Variants in MAP3K15 observed in about 807,000 individuals in gnomAD.
MAP3K15 encodes the protein MAPK/ERK kinase kinase 15.
Under a neutral mutation model 99.5 loss-of-function variants are expected in MAP3K15, and 124 were observed. That is an observed-to-expected ratio of 1.25 (90% CI 1.08 to 1.45). The LOEUF (loss-of-function observed/expected upper bound fraction) is 1.45, where lower values mean the gene tolerates loss of function less well. Among genes scored for constraint, MAP3K15 ranks in the 40% most tolerant of loss-of-function variants. The pLI, the probability that MAP3K15 is intolerant of heterozygous loss-of-function variation, is 0.00. For missense variants in MAP3K15, 1,242 were observed against 1,079.7 expected (o/e 1.15, Z -2.11); for synonymous variants, 494 against 439.6 (o/e 1.12, Z -1.55).
chrX:19,418,471 G>C lies in MAP3K15; in HGVS notation c.1440-3214C>G, dbSNP rs189193238. On this transcript the variant is annotated intron_variant, in intron 9 of 28. Coordinates refer to ENST00000338883, the MANE Select transcript of MAP3K15 (RefSeq NM_001001671.4). Reference sequence around the variant, plus strand: ...TGGAAGATCAAATGAATGAAATGAAGTGAGAAGTTTAGAGAAAAAAAGAAT... The same window carrying C: ...TGGAAGATCAAATGAATGAAATGAACTGAGAAGTTTAGAGAAAAAAAGAAT... Among the ~76,000 whole-genome samples the C allele has an allele frequency of 4.7e-3, 525 of 110,956 alleles. 5 individuals are homozygous for C. Among genetic ancestry groups the C allele is most frequent in the African/African-American group, 0.016 (502 of 30,541 alleles).
At chrX:19,415,444 G>C (rs2063726631) in intron 9 of MAP3K15, among the ~76,000 whole-genome samples, 187 bp from the exon 10 acceptor site, 1 of 112,201 alleles carries the variant, frequency 8.9e-6, no homozygotes, top group African/African-American at 3.2e-5. Flanking sequence ...GGCAAAGTAA[G>C]TCCATCCAAC....
intron 18 of MAP3K15, among the ~76,000 whole-genome samples, chrX:19,388,532 A>G (rs1405111391): frequency 8.9e-6 from 1 of 112,382 alleles, no homozygotes; most frequent in Non-Finnish European, 1.9e-5. Context: ...GTATTTAATT[A>G]GCAAACACTT....
chrX:19,387,643 T>C (rs1173416440), intron 18 of MAP3K15, among the ~76,000 whole-genome samples: 1 of 111,597 alleles, frequency 9.0e-6, no homozygotes, highest in African/African-American at 3.3e-5. Context: ...CACCTCAGCC[T>C]CCCAGAGAGC....
chrX:19,440,157 A>G (rs976648815), intron 6 of MAP3K15, among the ~76,000 whole-genome samples: 1 of 111,488 alleles, frequency 9.0e-6, no homozygotes, highest in African/African-American at 3.3e-5. Context: ...TGGTAACATC[A>G]CCTCTTCCCT....
chrX:19,504,711 C>T (rs1258378044), intron 1 of MAP3K15, among the ~76,000 whole-genome samples: 1 of 111,578 alleles, frequency 9.0e-6, no homozygotes, highest in African/African-American at 3.3e-5. Context: ...TGCCTGTAAT[C>T]CCAGCACTTT....
chrX:19,462,127 A>G (rs1187084346), intron 4 of MAP3K15, among the ~76,000 whole-genome samples: 1 of 111,353 alleles, frequency 9.0e-6, no homozygotes, highest in African/African-American at 3.3e-5. Flanking sequence ...ATAGTCTTCA[A>G]AGAGAGAAAA....
At chrX:19,423,273 C>T (rs1427325585) in intron 9 of MAP3K15, among the ~76,000 whole-genome samples, 1 of 111,467 alleles carries the variant, frequency 9.0e-6, no homozygotes, top group Non-Finnish European at 1.9e-5. Context: ...AAATTTCCAT[C>T]CCCACAGGGA....
chrX:19,424,291 T>C lies in MAP3K15; in HGVS notation c.1439+1240A>G, dbSNP rs200119033. 3.7e-3 allele frequency among the ~76,000 whole-genome samples: 367 copies of C among 98,553 alleles called. 3 individuals carry two copies. Among genetic ancestry groups the C allele is most frequent in the Middle Eastern group, 0.026 (5 of 195 alleles). 85.6% of individuals were successfully genotyped at this position (98,553 alleles called of 115,157 possible). On this transcript the variant is annotated intron_variant, in intron 9 of 28. Transcript: ENST00000338883. ...ACACACATATATACACACATATATA[T>C]ACACATATATATACACACATATATA...
At chrX:19,378,725 C>G (rs911471521) in intron 19 of MAP3K15, among the ~76,000 whole-genome samples, 4 of 111,657 alleles carry the variant, frequency 3.6e-5, no homozygotes, top group Non-Finnish European at 5.6e-5. Context: ...AAGCTGCACA[C>G]CCAACCTTGG....
intron 19 of MAP3K15, among the ~76,000 whole-genome samples, chrX:19,375,784 A>G (rs978086823): frequency 8.9e-6 from 1 of 112,466 alleles, no homozygotes; most frequent in African/African-American, 3.2e-5. Flanking sequence ...CCTGTCCCCA[A>G]GGCCCTTGAC....
At chrX:19,394,400 A>G (rs1196459170) in intron 16 of MAP3K15, among the ~76,000 whole-genome samples, 2 of 111,389 alleles carry the variant, frequency 1.8e-5, no homozygotes, top group Non-Finnish European at 3.8e-5. Context: ...ACAGAGAGGT[A>G]TAACAATTTG....
At chrX:19,495,539 A>G (rs2064395261) in intron 1 of MAP3K15, among the ~76,000 whole-genome samples, 1 of 110,941 alleles carries the variant, frequency 9.0e-6, no homozygotes, top group Non-Finnish European at 1.9e-5. Context: ...GAATGACTGA[A>G]AGTAAATCTT....
intron 10 of MAP3K15, chrX:19,414,178 G>C (rs1023866602): frequency 9.3e-6 from 1 of 107,404 alleles, no homozygotes; most frequent in Non-Finnish European, 1.9e-5. Flanking sequence ...GAGGGGAAGA[G>C]AAAGAGGAGG....
At chrX:19,486,307 C>T (rs1489135572) in intron 3 of MAP3K15, among the ~76,000 whole-genome samples, 175 bp downstream of exon 3, 1 of 111,620 alleles carries the variant, frequency 9.0e-6, no homozygotes, top group Non-Finnish European at 1.9e-5. Flanking sequence ...CTGAGTGGGG[C>T]CTGGGGCCGG....
rs2063602744 is a variant in MAP3K15 at position 19,400,792 on chromosome X, C to CCT, written c.1845-131_1845-130dup. On this transcript the variant is annotated intron_variant, in intron 13 of 28. Coordinates refer to ENST00000338883, the MANE Select transcript of MAP3K15 (RefSeq NM_001001671.4). ...TTACAAGTCATGGAACAATCGATCC[C>CCT]CTCCTTGATTTGACGTGGTACTTTA... is the stretch of plus-strand genomic sequence containing the variant. The CCT allele has an allele frequency of 1.1e-5, 5 of 448,441 alleles. No homozygotes were observed. The East Asian group carries it at 1.9e-4, about 17-fold the overall frequency. 37.0% of individuals were successfully genotyped at this position (448,441 alleles called of 1,213,427 possible). A position where few individuals can be genotyped will look rare whatever the true frequency, so the allele number is the denominator to read the frequency against.
At chrX:19,419,630 C>G (rs777061301) in intron 9 of MAP3K15, among the ~76,000 whole-genome samples, 1 of 111,108 alleles carries the variant, frequency 9.0e-6, no homozygotes, top group African/African-American at 3.3e-5. Flanking sequence ...GACAGATCCA[C>G]GAGACAGAAA....
intron 9 of MAP3K15, among the ~76,000 whole-genome samples, chrX:19,424,271 C>CATATATACACACATATATATACACAT (rs1415968383): frequency 3.0e-5 from 3 of 99,376 alleles, no homozygotes; most frequent in Non-Finnish European, 3.9e-5. Context: ...TATATACACA[C>CATATATACACACATATATATACACAT]ATATATACAC....
intron 3 of MAP3K15, among the ~76,000 whole-genome samples, chrX:19,485,756 T>C (rs5955795): frequency 0.23 from 25,269 of 109,453 alleles, 4,908 homozygotes; most frequent in African/African-American, 0.65. Flanking sequence ...GGCTGTAAGG[T>C]GGGGGACCAA....
intron 6 of MAP3K15, among the ~76,000 whole-genome samples, chrX:19,440,161 C>T (rs1161309940): frequency 1.8e-5 from 2 of 112,215 alleles, no homozygotes; most frequent in African/African-American, 6.5e-5. Flanking sequence ...AACATCACCT[C>T]TTCCCTGGGT....
Sources: gnomAD v4.1 joint callset for allele counts (sites outside exome capture counted in the v4.1 genomes callset) on GRCh38, gnomAD v4.1.1 for gene constraint, MANE v1.5 for transcripts, NCBI Gene and HGNC (gene_info 2026-07-23, HGNC 2026-07-21) for gene names.